TRIM45: variants seen among roughly 807,000 people sequenced by gnomAD.
TRIM45 encodes E3 ubiquitin-protein ligase TRIM45.
A neutral mutation model predicts 46.7 loss-of-function variants in TRIM45; 45 were observed. The observed-to-expected ratio is 0.96, with a 90% CI of 0.76 to 1.24. The LOEUF is 1.24. Among genes scored for constraint, TRIM45 ranks in the 50% most tolerant of loss-of-function variants. TRIM45 has a pLI of 0.00. For synonymous variants in TRIM45, 259 were observed against 285.8 expected (o/e 0.91, Z 0.94); for missense variants, 680 against 728.4 (o/e 0.93, Z 0.77).
At position 117,117,066 on chromosome 1, in the gene TRIM45, G is replaced by A. The variant is rs1650430234; in HGVS notation, c.1223-321C>T. Among the ~76,000 whole-genome samples the A allele has an allele frequency of 6.6e-6, 1 of 152,162 alleles. No individual in the cohort carries two copies. Among genetic ancestry groups the A allele is most frequent in the African/African-American group, 2.4e-5 (1 of 41,432 alleles). On this transcript the variant is annotated intron_variant, in intron 2 of 5. Transcript: ENST00000256649. This position sits in a 1 kb window ranked among gnomAD's most constrained non-coding sequence, Gnocchi z 4.9. Reference sequence around the variant, plus strand: ...AAGAAAACCTCTAGACCCTGTGAGAGAGGATAGTAACCCCAAAACCACCCT... The same window carrying A: ...AAGAAAACCTCTAGACCCTGTGAGAAAGGATAGTAACCCCAAAACCACCCT...
At chr1:117,120,617 G>T in intron 1 of TRIM45, 97 bp downstream of exon 1, 1 of 1,487,640 alleles carries the variant, frequency 6.7e-7, no homozygotes, top group Non-Finnish European at 9.0e-7. Context: ...CGGTATTTGA[G>T]AAGGCTTTCC....
At position 117,115,635 on chromosome 1, in the gene TRIM45, G is replaced by A. The variant is rs756248139; in HGVS notation, c.1407C>T (p.Tyr469=). 1.3e-5 allele frequency: 21 copies of A among 1,614,030 alleles called. No individual in the cohort carries two copies. Among genetic ancestry groups the A allele is most frequent in the African/African-American group, 4.0e-5 (3 of 74,914 alleles). ...TATAGACGCCAGGTTCCTTGGGGGT[G>A]TAGGAAATGTAGTATGTCCCATCCT... is the stretch of plus-strand genomic sequence containing the variant. ...DNKDGTYYIS[Y]TPKEPGVYTV... is the part of the protein sequence containing the mutation. Residue 469 remains tyrosine, a synonymous_variant, in exon 4 of 6, where the codon TAC becomes TAT. Coordinates refer to ENST00000256649, the MANE Select transcript of TRIM45 (RefSeq NM_025188.4). This position sits in a 1 kb window ranked among gnomAD's most constrained non-coding sequence, Gnocchi z 4.2.
upstream of TRIM45, among the ~76,000 whole-genome samples, chr1:117,123,041 G>GAAA (rs11355900): frequency 7.1e-5 from 10 of 140,796 alleles, no homozygotes; most frequent in East Asian, 1.8e-3. Flanking sequence ...CCCAAAATAT[G>GAAA]AAAAAAAAAA....
chr1:117,112,245 G>A lies in TRIM45; in HGVS notation c.*60C>T. 1.4e-6 allele frequency: 2 copies of A among 1,445,574 alleles called. No individual in the cohort carries two copies. Among genetic ancestry groups the A allele is most frequent in the Admixed American group, 4.9e-5 (2 of 41,194 alleles). 89.5% of individuals were successfully genotyped at this position (1,445,574 alleles called of 1,614,324 possible). On this transcript the variant is annotated 3_prime_UTR_variant, in exon 6 of 6. Transcript: ENST00000256649. ...TCTCTTTAGAATGAACGAAGGTCTG[G>A]GTCCTCTGGAAATCTCAAGTGGTGC...
Position 117,118,718 on chromosome 1 carries a change from T to C in TRIM45, c.538A>G (p.Lys180Glu), listed in dbSNP as rs1650509420. 1 of 1,613,486 alleles carries C rather than the reference T, an allele frequency of 6.2e-7. No individual in the cohort carries two copies. The highest frequency in any genetic ancestry group is 8.5e-7 in the Non-Finnish European group (1 of 1,180,052). The change falls in exon 2 of 6, where the codon AAA becomes GAA. Residue 180 changes from lysine (K) to glutamate (E), a missense_variant. By Grantham distance (56) the Lys-to-Glu change is moderately conservative. Around this residue, in one of 3 missense-constraint regions of TRIM45, gnomAD observed 349 missense variants for 343.6 expected, o/e 1.02. Transcript: ENST00000256649. The surrounding 1 kb of genome is among the most constrained non-coding windows in gnomAD (Gnocchi z 5.7). ...YHTMVDLKDL[K>E]GYSRIGKPIL... ...GGCTTCCCAATCCGGCTGTAGCCTT[T>C]CAAGTCTTTTAGGTCCACCATGGTG...
chr1:117,121,291 C>T lies in TRIM45; in HGVS notation c.-90G>A, dbSNP rs3795655. Reference sequence around the variant, plus strand: ...GATTAAGCCCACCCAAAGAGAAAGTCTCCAGAACTTGAACAGAGACCATGG... The same window carrying T: ...GATTAAGCCCACCCAAAGAGAAAGTTTCCAGAACTTGAACAGAGACCATGG... On this transcript the variant is annotated 5_prime_UTR_variant, in exon 1 of 6. Coordinates refer to ENST00000256649, the MANE Select transcript of TRIM45 (RefSeq NM_025188.4). The surrounding 1 kb of genome is among the most constrained non-coding windows in gnomAD (Gnocchi z 4.2). 0.68 allele frequency: 988,972 copies of T among 1,460,514 alleles called. 338,382 individuals are homozygous for T. The highest frequency in any genetic ancestry group is 0.98 in the East Asian group (42,764 of 43,808). The allele number at this position is 1,460,514 out of a possible 1,614,324, so 90.5% of individuals were successfully genotyped here. A position where few individuals can be genotyped will look rare whatever the true frequency, so the allele number is the denominator to read the frequency against.
In TRIM45 at chr1:117,120,986, G is replaced by C; in HGVS notation, c.216C>G (p.Ser72Arg). ...VDIRGGDSDT[S>R]SEGSIFQELK... ...GTTCCTGGAATATTGACCCCTCAGAGCTTGTGTCAGAGTCTCCCCCTCGGA... is the reference window on the plus strand; with the variant it reads ...GTTCCTGGAATATTGACCCCTCAGACCTTGTGTCAGAGTCTCCCCCTCGGA... The change falls in exon 1 of 6, where the codon AGC becomes AGG. Residue 72 changes from serine to arginine, a missense_variant. Ser to Arg is a moderately radical substitution (Grantham distance 110, BLOSUM62 -1). Transcript: ENST00000256649. The C allele has an allele frequency of 3.1e-6, 5 of 1,614,198 alleles. No homozygotes were observed. The highest frequency in any genetic ancestry group is 4.2e-6 in the Non-Finnish European group (5 of 1,180,044).
At position 117,117,930 on chromosome 1, in the gene TRIM45, A is replaced by G. The variant is rs111819012; in HGVS notation, c.1222+104T>C. The G allele has an allele frequency of 7.0e-7, 1 of 1,437,702 alleles. No individual in the cohort carries two copies. The highest frequency in any genetic ancestry group is 9.4e-7 in the Non-Finnish European group (1 of 1,059,578). The allele number at this position is 1,437,702 out of a possible 1,614,324, so 89.1% of individuals were successfully genotyped here. ...TCAGTTTATCTCCCCACCTTTGGTA[A>G]CCTGGTCAGTAGGGCATGCTTCCTA... On this transcript the variant is annotated intron_variant, in intron 2 of 5. Transcript: ENST00000256649. The surrounding 1 kb of genome is among the most constrained non-coding windows in gnomAD (Gnocchi z 4.9).
In TRIM45 at chr1:117,115,783, A is replaced by C; in HGVS notation, c.1353-94T>G. The stretch of plus-strand genomic sequence containing the variant: ...ATGTAAACTCTACACCATCCCATTC[A>C]GTATTAATGTTAAATATACCCAAAC... On this transcript the variant is annotated intron_variant, in intron 3 of 5. Transcript: ENST00000256649. The surrounding 1 kb of genome is among the most constrained non-coding windows in gnomAD (Gnocchi z 4.2). 1 of 792,432 alleles carries C rather than the reference A, an allele frequency of 1.3e-6. No homozygotes were observed. The highest frequency in any genetic ancestry group is 2.1e-6 in the Non-Finnish European group (1 of 467,046). The allele number at this position is 792,432 out of a possible 1,614,324, so 49.1% of individuals were successfully genotyped here. A position where few individuals can be genotyped will look rare whatever the true frequency, so the allele number is the denominator to read the frequency against.
In TRIM45 at chr1:117,113,657, C is replaced by T. The variant is rs1422411091; in HGVS notation, c.1468-172G>A. ...AGAACCCTGCTCAGCTGAGAGGAGG[C>T]AGACACAGATGCAGTGGAAGCATCA... On this transcript the variant is annotated intron_variant, in intron 4 of 5. Transcript: ENST00000256649. The surrounding 1 kb of genome is among the most constrained non-coding windows in gnomAD (Gnocchi z 4.0). 6.6e-6 allele frequency among the ~76,000 whole-genome samples: 1 copy of T among 152,204 alleles called. No individual in the cohort carries two copies. Among genetic ancestry groups the T allele is most frequent in the Non-Finnish European group, 1.5e-5 (1 of 68,030 alleles).
upstream of TRIM45, chr1:117,121,934 T>C: frequency 4.4e-6 from 3 of 685,078 alleles, no homozygotes; most frequent in South Asian, 4.7e-5. This position sits in a 1 kb window ranked among gnomAD's most constrained non-coding sequence, Gnocchi z 4.2. Context: ...GACAAGGCCG[T>C]GGGCGGGGCG....
chr1:117,114,041 A>G (rs80064834), intron 4 of TRIM45, among the ~76,000 whole-genome samples: 4,718 of 152,314 alleles, frequency 0.031, 118 homozygotes, highest in East Asian at 0.1. Flanking sequence ...GTAGAATGTC[A>G]CAACCACAAA....
rs539946557 is a variant in TRIM45, at chr1:117,120,800, C to A, written c.402G>T (p.Val134=). ...ESLRGEGQGL[V]CDLCNDREVE... is the part of the protein sequence containing the mutation. The stretch of plus-strand genomic sequence containing the variant: ...CTTCCCTGTCGTTGCACAGGTCACA[C>A]ACCAGGCCCTGGCCTTCCCCACGTA... The change falls in exon 1 of 6, where the codon GTG becomes GTT. Residue 134 remains valine, a synonymous_variant. Transcript: ENST00000256649. The A allele has an allele frequency of 6.2e-7, 1 of 1,614,204 alleles. No individual in the cohort carries two copies. Among genetic ancestry groups the A allele is most frequent in the Admixed American group, 1.7e-5 (1 of 60,024 alleles).
chr1:117,121,730 G>A lies in TRIM45; in HGVS notation c.-529C>T. 3 of 611,130 alleles carry A rather than the reference G, an allele frequency of 4.9e-6. No individual in the cohort carries two copies. The highest frequency in any genetic ancestry group is 3.6e-5 in the South Asian group (2 of 55,328). The allele number at this position is 611,130 out of a possible 1,614,324, so 37.9% of individuals were successfully genotyped here. On this transcript the variant is annotated 5_prime_UTR_variant, in exon 1 of 6. Coordinates refer to ENST00000256649, the MANE Select transcript of TRIM45 (RefSeq NM_025188.4). The surrounding 1 kb of genome is among the most constrained non-coding windows in gnomAD (Gnocchi z 4.2). ...ACCGCCTCTCCCGCGCCTCGGCCCGGGACGCCCGCGGGCTCTGGCCCCTCC... is the reference window on the plus strand; with the variant it reads ...ACCGCCTCTCCCGCGCCTCGGCCCGAGACGCCCGCGGGCTCTGGCCCCTCC...
At position 117,121,424 on chromosome 1, in the gene TRIM45, C is replaced by T. The variant is rs6657335; in HGVS notation, c.-223G>A. 0.69 allele frequency: 380,575 copies of T among 548,126 alleles called. 134,584 individuals are homozygous for T. The highest frequency in any genetic ancestry group is 0.98 in the East Asian group (32,689 of 33,418). 34.0% of individuals were successfully genotyped at this position (548,126 alleles called of 1,614,324 possible). A position where few individuals can be genotyped will look rare whatever the true frequency, so the allele number is the denominator to read the frequency against. On this transcript the variant is annotated 5_prime_UTR_variant, in exon 1 of 6. It adds an upstream start codon to the 5' untranslated region. Coordinates refer to ENST00000256649, the MANE Select transcript of TRIM45 (RefSeq NM_025188.4). This position sits in a 1 kb window ranked among gnomAD's most constrained non-coding sequence, Gnocchi z 4.2. ...GCCCCCTCCTTTCCACTGCATCCCA[C>T]ACCAGACACGCCCACGCCCTCCTCT...
rs761063371 is a variant in TRIM45, at chr1:117,112,469, A to G, written c.1595-16T>C. ...AGGTACCCACCTACATGGGACAAAG[A>G]GGAAAGGACAAAAATCAACCATTAG... On this transcript the variant is annotated splice_polypyrimidine_tract_variant and intron_variant, in intron 5 of 5. Transcript: ENST00000256649. The G allele has an allele frequency of 1.2e-5, 19 of 1,597,494 alleles. No individual in the cohort carries two copies. The highest frequency in any genetic ancestry group is 1.5e-5 in the Non-Finnish European group (18 of 1,173,000).
At position 117,121,441 on chromosome 1, in the gene TRIM45, C is replaced by T; in HGVS notation, c.-240G>A. ...GCATCCCACACCAGACACGCCCACG[C>T]CCTCCTCTGCCCCGCAAGTCCTCCC... On this transcript the variant is annotated 5_prime_UTR_variant, in exon 1 of 6. Transcript: ENST00000256649. The surrounding 1 kb of genome is among the most constrained non-coding windows in gnomAD (Gnocchi z 4.2). 1 of 529,170 alleles carries T rather than the reference C, an allele frequency of 1.9e-6. No homozygotes were observed. The highest frequency in any genetic ancestry group is 3.3e-6 in the Non-Finnish European group (1 of 303,138). 32.8% of individuals were successfully genotyped at this position (529,170 alleles called of 1,614,324 possible). A position where few individuals can be genotyped will look rare whatever the true frequency, so the allele number is the denominator to read the frequency against.
Position 117,120,875 on chromosome 1 carries a change from C to T in TRIM45, c.327G>A (p.Lys109=), listed in dbSNP as rs753905179. ...CGGCCAGGTGGTCTATGGTTAAAGC[C>T]TTCACTCCACCCATGGGCAGGTCCA... ...AQVDLPMGGV[K]ALTIDHLAVN... is the part of the protein sequence containing the mutation. Residue 109 remains lysine (K), a synonymous_variant, in exon 1 of 6, where the codon AAG becomes AAA. Transcript: ENST00000256649. The T allele has an allele frequency of 1.9e-6, 3 of 1,614,102 alleles. No individual in the cohort carries two copies. In the African/African-American group the frequency reaches 4.0e-5, roughly 22 times the overall value.
chr1:117,118,870 C>T lies in TRIM45; in HGVS notation c.489-103G>A, dbSNP rs149206691. ...GCACAGGATCTGAAGTTAAACAAAC[C>T]TGATTTCAATTCCTTGCTCTAATCT... is the stretch of plus-strand genomic sequence containing the variant. On this transcript the variant is annotated intron_variant, in intron 1 of 5. Transcript: ENST00000256649. This position sits in a 1 kb window ranked among gnomAD's most constrained non-coding sequence, Gnocchi z 5.7. 1.6e-3 allele frequency: 2,219 copies of T among 1,427,854 alleles called. 18 individuals are homozygous for T. Among genetic ancestry groups the T allele is most frequent in the Middle Eastern group, 0.014 (54 of 3,892 alleles). 88.4% of individuals were successfully genotyped at this position (1,427,854 alleles called of 1,614,324 possible).
Sources: gnomAD v4.1 joint callset for allele counts (sites outside exome capture counted in the v4.1 genomes callset) on GRCh38, gnomAD v4.1.1 for gene constraint, gnomAD v4.1.1 regional missense constraint, Gnocchi (gnomAD v3.1) non-coding constraint, MANE v1.5 for transcripts, NCBI Gene and HGNC (gene_info 2026-07-23, HGNC 2026-07-21) for gene names.